Variants in ZFHX3 observed in about 807,000 individuals in gnomAD.
ZFHX3 encodes zinc finger homeobox protein 3.
In ZFHX3, 42 loss-of-function variants were observed where a neutral mutation model predicts 279.1. The ratio of observed to expected loss-of-function variants is 0.15; its 90% CI spans 0.12 to 0.19. The LOEUF (loss-of-function observed/expected upper bound fraction) is 0.19, where lower values mean the gene tolerates loss of function less well. ZFHX3 is among the 10% of genes least tolerant of loss of function. The pLI is 1.00. For synonymous variants in ZFHX3, 2,293 were observed against 1,957.8 expected (o/e 1.17, Z -4.52); for missense variants, 4,981 against 4,754.0 (o/e 1.05, Z -1.40).
chr16:73,519,155 G>A (rs961651508), intron 2 of ZFHX3, among the ~76,000 whole-genome samples: 1 of 151,928 alleles, frequency 6.6e-6, no homozygotes, highest in Non-Finnish European at 1.5e-5. Context: ...TGAAGCCCAG[G>A]AATTTTCTCC....
At chr16:73,239,309 G>T (rs559364070) in intron 5 of ZFHX3, among the ~76,000 whole-genome samples, 1 of 152,320 alleles carries the variant, frequency 6.6e-6, no homozygotes, top group African/African-American at 2.4e-5. Context: ...GAGACAAGCA[G>T]TGGGGTGGTC....
upstream of ZFHX3, among the ~76,000 whole-genome samples, chr16:73,048,544 C>T (rs1390074056): frequency 6.6e-6 from 1 of 152,222 alleles, no homozygotes; most frequent in Non-Finnish European, 1.5e-5. Flanking sequence ...GCGCTGACCC[C>T]TCGCTCATCA....
intron 3 of ZFHX3, among the ~76,000 whole-genome samples, chr16:72,942,055 T>G (rs1289005825): frequency 6.6e-6 from 1 of 152,192 alleles, no homozygotes; most frequent in African/African-American, 2.4e-5. Flanking sequence ...AACTCTTGCC[T>G]TTTCCTGACT....
chr16:73,731,639 G>T (rs953072378), intron 1 of ZFHX3, among the ~76,000 whole-genome samples: 6 of 46,764 alleles, frequency 1.3e-4, no homozygotes, highest in African/African-American at 3.5e-4. Flanking sequence ...AACCAATGAT[G>T]TTCGGGGTGA....
intron 4 of ZFHX3, among the ~76,000 whole-genome samples, chr16:73,310,951 A>G (rs964202115): frequency 1.3e-5 from 2 of 152,052 alleles, no homozygotes; most frequent in Non-Finnish European, 2.9e-5. Flanking sequence ...CAAACACCCC[A>G]GCCAGGTGCA....
intron 1 of ZFHX3, among the ~76,000 whole-genome samples, chr16:73,682,639 G>A (rs1047105431): frequency 1.3e-5 from 2 of 151,358 alleles, no homozygotes; most frequent in East Asian, 1.9e-4. Flanking sequence ...TACAAAAAAT[G>A]AGCCGGTCAT....
intron 3 of ZFHX3, among the ~76,000 whole-genome samples, chr16:72,899,955 G>C (rs1481349183): frequency 6.6e-6 from 1 of 151,878 alleles, no homozygotes; most frequent in Non-Finnish European, 1.5e-5. Context: ...TCCTCCCCAG[G>C]CTCCAAAAGG....
intron 2 of ZFHX3, among the ~76,000 whole-genome samples, chr16:73,523,644 T>C (rs1323511917): frequency 1.3e-5 from 2 of 150,024 alleles, no homozygotes; most frequent in African/African-American, 4.9e-5. Flanking sequence ...TTTTCATATG[T>C]ATATTCTGAA....
chr16:72,811,136 C>T (rs914391463), intron 7 of ZFHX3, among the ~76,000 whole-genome samples: 2 of 152,090 alleles, frequency 1.3e-5, no homozygotes, highest in Admixed American at 6.5e-5. Flanking sequence ...CCCCCCACCA[C>T]GGCCTCCCAA....
At chr16:73,082,614 T>A (rs1029977557) in intron 8 of ZFHX3, among the ~76,000 whole-genome samples, 119 of 152,270 alleles carry the variant, frequency 7.8e-4, no homozygotes, top group Non-Finnish European at 6.5e-4. Flanking sequence ...TACTTTCTTT[T>A]TTTTTGTATA....
chr16:73,346,570 C>G lies in ZFHX3; in HGVS notation c.-1290-28234G>C, dbSNP rs1193135265. Among the ~76,000 whole-genome samples, 3 of 152,216 alleles carry G rather than the reference C, an allele frequency of 2.0e-5. No individual in the cohort carries two copies. In the East Asian group the frequency reaches 5.8e-4, roughly 29 times the overall value. On this transcript the variant is annotated intron_variant, in intron 3 of 17. Coordinates refer to the ZFHX3 transcript ENST00000641206. ...CACTGCAACCTCCACCTCCCCGGTT[C>G]AAGCGATTCTTATGCCTCAGCCACT...
At position 72,958,372 on chromosome 16, in the gene ZFHX3, C is replaced by T. The variant is rs200693897; in HGVS notation, c.1774G>A (p.Asp592Asn). 7.2e-5 allele frequency: 117 copies of T among 1,614,032 alleles called. No individual in the cohort carries two copies. Among genetic ancestry groups the T allele is most frequent in the Admixed American group, 1.2e-4 (7 of 60,010 alleles). ...GCATTGTCTTTATTGGCACTTTCGTCAGCGAAGTCCAGCCTCCTGCCGCCC... is the reference window on the plus strand; with the variant it reads ...GCATTGTCTTTATTGGCACTTTCGTTAGCGAAGTCCAGCCTCCTGCCGCCC... Reference protein sequence around the residue: ...AEGGRRLDFADESANKDNATA... With the variant: ...AEGGRRLDFANESANKDNATA... The change falls in exon 2 of 10, where the codon GAC (aspartate) becomes AAC (asparagine). Residue 592 changes from aspartate to asparagine, a missense_variant. Asp to Asn is a conservative substitution (Grantham distance 23). Transcript: ENST00000268489.
At chr16:73,449,694 A>G (rs1400221353) in intron 3 of ZFHX3, among the ~76,000 whole-genome samples, 1 of 152,198 alleles carries the variant, frequency 6.6e-6, no homozygotes, top group African/African-American at 2.4e-5. Context: ...ATGAAGTAAA[A>G]CAATAACTAG....
rs560031173 is a variant in ZFHX3, at chr16:72,849,352, G to C, written c.3449-19493C>G. ...CAGCAGGTAGGGGGACAAAAGCAGGGCTCAGCCATACTCCAGCCTGGGGCC... is the reference window on the plus strand; with the variant it reads ...CAGCAGGTAGGGGGACAAAAGCAGGCCTCAGCCATACTCCAGCCTGGGGCC... On this transcript the variant is annotated intron_variant, in intron 4 of 9. Transcript: ENST00000268489. Among the ~76,000 whole-genome samples the C allele has an allele frequency of 2.0e-5, 3 of 152,312 alleles. No homozygotes were observed. In the South Asian group the frequency reaches 6.2e-4, roughly 32 times the overall value.
intron 1 of ZFHX3, among the ~76,000 whole-genome samples, chr16:73,029,566 G>A (rs1321762038): frequency 2.0e-5 from 3 of 152,154 alleles, no homozygotes; most frequent in African/African-American, 2.4e-5. Flanking sequence ...TTGATTTTTC[G>A]CTCTGGAGTA....
intron 5 of ZFHX3, among the ~76,000 whole-genome samples, chr16:72,814,442 A>T (rs1323021534): frequency 6.6e-6 from 1 of 152,170 alleles, no homozygotes; most frequent in Non-Finnish European, 1.5e-5. Context: ...CCCAGAGCTG[A>T]AAAGCAAACA....
At chr16:73,449,430 G>A (rs1266151636) in intron 3 of ZFHX3, among the ~76,000 whole-genome samples, 1 of 152,126 alleles carries the variant, frequency 6.6e-6, no homozygotes, top group African/African-American at 2.4e-5. Flanking sequence ...AGAAGGCTGA[G>A]GCGGGAGGAT....
chr16:72,852,621 T>C (rs1398709482), intron 4 of ZFHX3, among the ~76,000 whole-genome samples: 2 of 152,184 alleles, frequency 1.3e-5, no homozygotes, highest in African/African-American at 4.8e-5. Context: ...AAGTAAAAAA[T>C]GAGGGAAGAG....
Position 73,667,755 on chromosome 16 carries a change from G to C in ZFHX3, c.-1547+12425C>G, listed in dbSNP as rs1471585149. On this transcript the variant is annotated intron_variant, in intron 2 of 17. Coordinates refer to the ZFHX3 transcript ENST00000641206. The stretch of plus-strand genomic sequence containing the variant: ...GAACCAACACATAATCTCATTTTGA[G>C]ATTAAGGTGGGAACTTACTGGAGAA... Among the ~76,000 whole-genome samples the C allele has an allele frequency of 2.0e-5, 3 of 152,190 alleles. No individual in the cohort carries two copies. The East Asian group carries it at 5.8e-4, about 29-fold the overall frequency.
Sources: allele counts gnomAD v4.1 joint callset (sites outside exome capture counted in the v4.1 genomes callset), GRCh38; gene constraint gnomAD v4.1.1; transcripts MANE v1.5; gene names NCBI Gene and HGNC (gene_info 2026-07-23, HGNC 2026-07-21).